The following IFFO2 variants were observed in gnomAD, a reference collection of about 807,000 sequenced individuals.
The protein encoded by IFFO2 is intermediate filament family orphan 2.
Under a neutral mutation model 53.5 loss-of-function variants are expected in IFFO2, and 19 were observed. The observed-to-expected ratio is 0.36, with a 90% confidence interval of 0.25 to 0.52. The LOEUF is 0.52. Among genes scored for constraint, IFFO2 ranks in the 20% least tolerant of loss-of-function variants. IFFO2 has a pLI of 0.94. For synonymous variants in IFFO2, 303 were observed against 313.6 expected (o/e 0.97, Z 0.36); for missense variants, 570 against 727.4 (o/e 0.78, Z 2.49).
rs1165374180 is a variant in IFFO2 at position 18,907,828 on chromosome 1, T to C, written c.*733A>G. On this transcript the variant is annotated 3_prime_UTR_variant, in exon 9 of 9. Coordinates refer to ENST00000455833, the MANE Select transcript of IFFO2 (RefSeq NM_001136265.2). The stretch of plus-strand genomic sequence containing the variant: ...TCCACAATGATATAAGGCAAGCTGC[T>C]TTTGTTGTTTGTTTTGTTTTTTGCA... 2.0e-5 allele frequency: 3 copies of C among 151,262 alleles called. No individual in the cohort carries two copies. Among genetic ancestry groups the C allele is most frequent in the African/African-American group, 7.4e-5 (3 of 40,462 alleles). 9.4% of individuals were successfully genotyped at this position (151,262 alleles called of 1,614,324 possible).
chr1:18,939,720 G>A (rs1296523836), intron 1 of IFFO2, among the ~76,000 whole-genome samples: 1 of 152,198 alleles, frequency 6.6e-6, no homozygotes, highest in Non-Finnish European at 1.5e-5. Context: ...GCTGCCTTGA[G>A]AACCACCAGG....
intron 1 of IFFO2, among the ~76,000 whole-genome samples, chr1:18,941,688 G>A (rs1395048225): frequency 6.6e-6 from 1 of 152,224 alleles, no homozygotes; most frequent in Non-Finnish European, 1.5e-5. Flanking sequence ...GTGGCAGAGA[G>A]TACTTTGGGT....
chr1:18,911,341 T>C, intron 7 of IFFO2, 43 bp downstream of exon 7: 1 of 1,043,450 alleles, frequency 9.6e-7, no homozygotes, highest in Non-Finnish European at 1.3e-6. Flanking sequence ...CATGTGGACC[T>C]CAGGAGAGCC....
At chr1:18,939,332 C>T (rs1347398788) in intron 1 of IFFO2, among the ~76,000 whole-genome samples, 1 of 152,212 alleles carries the variant, frequency 6.6e-6, no homozygotes, top group African/African-American at 2.4e-5. Flanking sequence ...CAGAGGCCAC[C>T]GGCCACCTTT....
Position 18,936,414 on chromosome 1 carries a change from C to T in IFFO2, c.666-15293G>A, listed in dbSNP as rs984637887. On this transcript the variant is annotated intron_variant, in intron 1 of 8. Coordinates refer to ENST00000455833, the MANE Select transcript of IFFO2 (RefSeq NM_001136265.2). The surrounding 1 kb of genome is among the most constrained non-coding windows in gnomAD (Gnocchi z 4.5). ...TGGACCCTCCACCCCATCCCCATCCCGTGTCTGCTGGCTCTTGCTTAAGTG... is the reference window on the plus strand; with the variant it reads ...TGGACCCTCCACCCCATCCCCATCCTGTGTCTGCTGGCTCTTGCTTAAGTG... Among the ~76,000 whole-genome samples the T allele has an allele frequency of 2.6e-5, 4 of 152,206 alleles. No homozygotes were observed. The highest frequency in any genetic ancestry group is 2.9e-5 in the Non-Finnish European group (2 of 68,032).
intron 1 of IFFO2, among the ~76,000 whole-genome samples, chr1:18,927,433 G>A (rs539502931): frequency 9.8e-5 from 15 of 152,352 alleles, no homozygotes; most frequent in East Asian, 3.9e-4. Flanking sequence ...CTTCCTTCCC[G>A]GCGGGTGGAG....
At chr1:18,950,506 C>A (rs532307736) in intron 1 of IFFO2, among the ~76,000 whole-genome samples, 76 of 152,322 alleles carry the variant, frequency 5.0e-4, no homozygotes, top group African/African-American at 1.8e-3. Flanking sequence ...CCACGGGCAG[C>A]TCAGAGAGGC....
chr1:18,924,284 C>T (rs914980487), intron 1 of IFFO2, among the ~76,000 whole-genome samples: 3 of 152,092 alleles, frequency 2.0e-5, no homozygotes, highest in African/African-American at 7.2e-5. Context: ...CACCCAGAGC[C>T]AGGGAGCACT....
intron 8 of IFFO2, among the ~76,000 whole-genome samples, chr1:18,909,727 C>A (rs1187537345): frequency 6.6e-6 from 1 of 152,140 alleles, no homozygotes; most frequent in Non-Finnish European, 1.5e-5. Flanking sequence ...AACGGTGAGT[C>A]AACGAAACCT....
chr1:18,926,419 G>A (rs564835020), intron 1 of IFFO2, among the ~76,000 whole-genome samples: 1 of 152,304 alleles, frequency 6.6e-6, no homozygotes, highest in Admixed American at 6.5e-5. Context: ...ACAGCCCTGG[G>A]CCAGGGAGGG....
rs747685678 is a variant in IFFO2, at chr1:18,916,264, C to CT, written c.1103+638dup. Among the ~76,000 whole-genome samples the CT allele has an allele frequency of 6.6e-6, 1 of 152,116 alleles. No homozygotes were observed. The highest frequency in any genetic ancestry group is 6.5e-5 in the Admixed American group (1 of 15,272). ...GGCAAGAACACCCCTTCTCCCACCG[C>CT]TTTTTTGGAGGAAGCTTTCGAAGGA... On this transcript the variant is annotated intron_variant, in intron 5 of 8. Coordinates refer to ENST00000455833, the MANE Select transcript of IFFO2 (RefSeq NM_001136265.2). This position sits in a 1 kb window ranked among gnomAD's most constrained non-coding sequence, Gnocchi z 4.3.
rs1219197202 is a variant in IFFO2, at chr1:18,955,061, CA to C, written c.665+606del. Among the ~76,000 whole-genome samples, 6 of 152,310 alleles carry C rather than the reference CA, an allele frequency of 3.9e-5. No individual in the cohort carries two copies. The South Asian group carries it at 6.2e-4, about 16-fold the overall frequency. ...GGAGCAAGACGGCAGACACTGGCCC[CA>C]GGGGGTAGGGGCAGATCCATCCATT... is the stretch of plus-strand genomic sequence containing the variant. On this transcript the variant is annotated intron_variant, in intron 1 of 8. Coordinates refer to ENST00000455833, the MANE Select transcript of IFFO2 (RefSeq NM_001136265.2).
rs530501229 is a variant in IFFO2 at position 18,907,007 on chromosome 1, C to T, written c.*1554G>A. 2 of 152,330 alleles carry T rather than the reference C, an allele frequency of 1.3e-5. No individual in the cohort carries two copies. Among genetic ancestry groups the T allele is most frequent in the East Asian group, 1.9e-4 (1 of 5,184 alleles). The allele number at this position is 152,330 out of a possible 1,614,324, so 9.4% of individuals were successfully genotyped here. A position where few individuals can be genotyped will look rare whatever the true frequency, so the allele number is the denominator to read the frequency against. On this transcript the variant is annotated 3_prime_UTR_variant, in exon 9 of 9. Transcript: ENST00000455833. ...AGAGAAGAGCCTTAAAGGCCACGGACCCCTGGGGACCACAATCCCAGTCAA... is the reference window on the plus strand; with the variant it reads ...AGAGAAGAGCCTTAAAGGCCACGGATCCCTGGGGACCACAATCCCAGTCAA...
In IFFO2 at chr1:18,911,479, G is replaced by A. The variant is rs867392239; in HGVS notation, c.1225-3C>T. On this transcript the variant is annotated splice_region_variant and splice_polypyrimidine_tract_variant and intron_variant, in intron 6 of 8. Transcript: ENST00000455833. Reference sequence around the variant, plus strand: ...AAGTTGCCCAAGTTTTCCTCTTGCTGGGGAAATAGAACAAACGGGACAGTT... The same window carrying A: ...AAGTTGCCCAAGTTTTCCTCTTGCTAGGGAAATAGAACAAACGGGACAGTT... The A allele has an allele frequency of 6.9e-7, 1 of 1,459,578 alleles. No individual in the cohort carries two copies. Among genetic ancestry groups the A allele is most frequent in the Non-Finnish European group, 9.2e-7 (1 of 1,086,936 alleles). 90.4% of individuals were successfully genotyped at this position (1,459,578 alleles called of 1,614,324 possible).
rs1440341391 is a variant in IFFO2 at position 18,917,079 on chromosome 1, G to T, written c.964-37C>A. 1 of 1,549,466 alleles carries T rather than the reference G, an allele frequency of 6.5e-7. No individual in the cohort carries two copies. The highest frequency in any genetic ancestry group is 1.4e-5 in the African/African-American group (1 of 73,014). On this transcript the variant is annotated intron_variant, in intron 4 of 8. Coordinates refer to ENST00000455833, the MANE Select transcript of IFFO2 (RefSeq NM_001136265.2). The surrounding 1 kb of genome is among the most constrained non-coding windows in gnomAD (Gnocchi z 5.9). ...AGGAAGCAATCAAGGTAACTGGGGG[G>T]CTCGGCTAGGATGGAAGGTAGGGGT... is the stretch of plus-strand genomic sequence containing the variant.
Position 18,956,123 on chromosome 1 carries a change from C to T in IFFO2, c.210G>A (p.Lys70=), listed in dbSNP as rs1159233907. The T allele has an allele frequency of 3.3e-6, 5 of 1,510,514 alleles. No individual in the cohort carries two copies. Among genetic ancestry groups the T allele is most frequent in the Admixed American group, 4.1e-5 (2 of 48,780 alleles). 93.6% of individuals were successfully genotyped at this position (1,510,514 alleles called of 1,614,324 possible). A position where few individuals can be genotyped will look rare whatever the true frequency, so the allele number is the denominator to read the frequency against. Residue 70 remains lysine (K), a synonymous_variant, in exon 1 of 9, where the codon AAG becomes AAA. Coordinates refer to ENST00000455833, the MANE Select transcript of IFFO2 (RefSeq NM_001136265.2). The surrounding 1 kb of genome is among the most constrained non-coding windows in gnomAD (Gnocchi z 6.4). ...GGTTGCGCCGCTCCAGCTCGTGCAC[C>T]TTAGCCAGGAAGCAGCGGAAGCGCA... ...LNVRFRCFLA[K]VHELERRNRL...
At position 18,917,278 on chromosome 1, in the gene IFFO2, T is replaced by C. The variant is rs1040419735; in HGVS notation, c.964-236A>G. Among the ~76,000 whole-genome samples the C allele has an allele frequency of 3.3e-5, 5 of 152,066 alleles. No homozygotes were observed. The highest frequency in any genetic ancestry group is 1.2e-4 in the African/African-American group (5 of 41,392). On this transcript the variant is annotated intron_variant, in intron 4 of 8. Coordinates refer to ENST00000455833, the MANE Select transcript of IFFO2 (RefSeq NM_001136265.2). The surrounding 1 kb of genome is among the most constrained non-coding windows in gnomAD (Gnocchi z 5.9). Reference sequence around the variant, plus strand: ...CTCTTCCCTGCCCTGGGCGGCCTGGTGGGTGCGCCGGCTCGGCTCGCCCTT... The same window carrying C: ...CTCTTCCCTGCCCTGGGCGGCCTGGCGGGTGCGCCGGCTCGGCTCGCCCTT...
intron 1 of IFFO2, among the ~76,000 whole-genome samples, chr1:18,934,814 G>A (rs757228540): frequency 2.0e-5 from 3 of 152,072 alleles, no homozygotes; most frequent in East Asian, 1.9e-4. Flanking sequence ...GCATCCTCCC[G>A]AGCAGGTGAC....
intron 5 of IFFO2, among the ~76,000 whole-genome samples, chr1:18,914,048 G>C (rs939588459): frequency 1.2e-4 from 19 of 152,068 alleles, no homozygotes; most frequent in African/African-American, 4.3e-4. Flanking sequence ...AGCCAGGATG[G>C]TCTCGATCTC....
Sources: gnomAD v4.1 joint callset for allele counts (sites outside exome capture counted in the v4.1 genomes callset) on GRCh38, gnomAD v4.1.1 for gene constraint, Gnocchi (gnomAD v3.1) non-coding constraint, MANE v1.5 for transcripts, NCBI Gene and HGNC (gene_info 2026-07-23, HGNC 2026-07-21) for gene names.